Variants in PVT1 observed in about 807,000 individuals in gnomAD.
PVT1 encodes Pvt1 oncogene, also known as CXCR4/PVT1 fusion.
intron 5 of PVT1, among the ~76,000 whole-genome samples, chr8:128,074,309 A>G (rs1295276780): frequency 1.3e-5 from 2 of 152,154 alleles, no homozygotes; most frequent in Admixed American, 1.3e-4. Context: ...GTTCGAGACC[A>G]GCCTGGCCAA....
chr8:127,953,165 A>T (rs1186780856), intron 3 of PVT1, among the ~76,000 whole-genome samples: 1 of 152,182 alleles, frequency 6.6e-6, no homozygotes, highest in African/African-American at 2.4e-5. Context: ...CTCTGAACTG[A>T]TGGTTATGGC....
intron 2 of PVT1, among the ~76,000 whole-genome samples, chr8:127,877,738 A>C (rs1815420980): frequency 6.6e-6 from 1 of 152,178 alleles, no homozygotes; most frequent in South Asian, 2.1e-4. Context: ...AGCCTGGGCA[A>C]CATGATGAAA....
In PVT1 at chr8:127,876,253, A is replaced by AGTGTGT. The variant is rs56039408; in HGVS notation, n.373-14311_373-14306dup. Reference sequence around the variant, plus strand: ...GATTCACACACACGCCCCAAACAGCAGTGTGTGTGTGTGTGTGTGTGTGTG... The same window carrying AGTGTGT: ...GATTCACACACACGCCCCAAACAGCAGTGTGTGTGTGTGTGTGTGTGTGTGTGTGTG... On this transcript the variant is annotated intron_variant and non_coding_transcript_variant, in intron 2 of 10. Transcript: ENST00000651587. 3.0e-3 allele frequency among the ~76,000 whole-genome samples: 445 copies of AGTGTGT among 149,208 alleles called. 6 individuals are homozygous for AGTGTGT. Among genetic ancestry groups the AGTGTGT allele is most frequent in the African/African-American group, 0.01 (410 of 40,666 alleles).
exon 1 of PVT1, chr8:127,794,602 A>T (rs1202952257): frequency 6.6e-6 from 1 of 152,422 alleles, no homozygotes; most frequent in African/African-American, 2.4e-5. Flanking sequence ...GGCGGCCGGG[A>T]CGAGGAGGGG....
At position 127,945,247 on chromosome 8, in the gene PVT1, C is replaced by T. The variant is rs186736794; in HGVS notation, n.783-43915C>T. On this transcript the variant is annotated intron_variant and non_coding_transcript_variant, in intron 3 of 10. Transcript: ENST00000651587. ...TACAAACACTGCTGGGAGGAACATCCGCACATGCTTTCTTGGTCACTTATG... is the reference window on the plus strand; with the variant it reads ...TACAAACACTGCTGGGAGGAACATCTGCACATGCTTTCTTGGTCACTTATG... 3.9e-5 allele frequency among the ~76,000 whole-genome samples: 6 copies of T among 152,212 alleles called. No homozygotes were observed. In the East Asian group the frequency reaches 9.7e-4, roughly 25 times the overall value.
At chr8:127,831,137 CTA>C (rs1244488878) in intron 2 of PVT1, among the ~76,000 whole-genome samples, 283 of 104,776 alleles carry the variant, frequency 2.7e-3, no homozygotes, top group African/African-American at 0.01. Context: ...ATATCTATAT[CTA>C]TCTCTCTCTC....
chr8:127,863,185 C>T lies in PVT1; in HGVS notation n.373-27404C>T, dbSNP rs1469199776. On this transcript the variant is annotated intron_variant and non_coding_transcript_variant, in intron 2 of 10. Transcript: ENST00000651587. ...GGAGTGCAGTGGCATGATCTCGGCTCACTGCAACCTCCGCCTCTTGGGTTC... is the reference window on the plus strand; with the variant it reads ...GGAGTGCAGTGGCATGATCTCGGCTTACTGCAACCTCCGCCTCTTGGGTTC... Among the ~76,000 whole-genome samples, 8 of 152,000 alleles carry T rather than the reference C, an allele frequency of 5.3e-5. No individual in the cohort carries two copies. The East Asian group carries it at 1.5e-3, about 29-fold the overall frequency.
At chr8:127,859,735 G>A (rs1815199124) in intron 2 of PVT1, among the ~76,000 whole-genome samples, 1 of 152,018 alleles carries the variant, frequency 6.6e-6, no homozygotes, top group Admixed American at 6.6e-5. Context: ...GTCACCTGGG[G>A]TTGAATCTCG....
At chr8:127,824,984 G>T (rs1404976184) in intron 2 of PVT1, among the ~76,000 whole-genome samples, 1 of 151,942 alleles carries the variant, frequency 6.6e-6, no homozygotes, top group Non-Finnish European at 1.5e-5. Flanking sequence ...GCTGGGTGTG[G>T]TGATGCATGC....
chr8:127,931,528 C>G (rs1045206321), intron 3 of PVT1, among the ~76,000 whole-genome samples: 5 of 152,262 alleles, frequency 3.3e-5, no homozygotes, highest in Middle Eastern at 3.2e-3. Context: ...GTAACCCTAG[C>G]AGTCCGGTCA....
intron 2 of PVT1, among the ~76,000 whole-genome samples, chr8:127,844,075 C>T (rs1307124591): frequency 5.3e-5 from 8 of 151,712 alleles, no homozygotes; most frequent in South Asian, 2.1e-4. Flanking sequence ...CTCTGCCTCC[C>T]GGGTTCATGC....
At chr8:128,047,900 A>G (rs1384251357) in intron 4 of PVT1, among the ~76,000 whole-genome samples, 4 of 152,232 alleles carry the variant, frequency 2.6e-5, no homozygotes, top group Non-Finnish European at 5.9e-5. Context: ...TTAAAAATTA[A>G]TCTAAAAAAA....
intron 4 of PVT1, among the ~76,000 whole-genome samples, chr8:128,007,448 C>T (rs1048140632): frequency 8.3e-4 from 125 of 150,920 alleles, no homozygotes; most frequent in African/African-American, 2.9e-3. Context: ...AACCTAAATA[C>T]AAACCATGAG....
chr8:127,854,365 C>T (rs1437262238), intron 2 of PVT1, among the ~76,000 whole-genome samples: 1 of 152,176 alleles, frequency 6.6e-6, no homozygotes, highest in Admixed American at 6.5e-5. Flanking sequence ...TGCGCTGGGC[C>T]GCTGAGTCAT....
intron 3 of PVT1, among the ~76,000 whole-genome samples, chr8:127,983,027 G>A (rs1343885412): frequency 5.9e-5 from 9 of 152,192 alleles, no homozygotes; most frequent in Admixed American, 2.6e-4. Flanking sequence ...GTTTGCAGCC[G>A]TATTAAGGGC....
intron 4 of PVT1, among the ~76,000 whole-genome samples, chr8:128,006,155 A>T (rs1184969185): frequency 6.7e-6 from 1 of 149,914 alleles, no homozygotes; most frequent in Non-Finnish European, 1.5e-5. Flanking sequence ...TAATAAAAAG[A>T]TAAGGGAAAT....
chr8:127,822,252 G>A (rs1814739966), intron 2 of PVT1, among the ~76,000 whole-genome samples: 1 of 152,194 alleles, frequency 6.6e-6, no homozygotes, highest in Non-Finnish European at 1.5e-5. Context: ...GACTCAGTCT[G>A]TCTGTGGCAA....
intron 3 of PVT1, among the ~76,000 whole-genome samples, chr8:127,929,523 T>C (rs922794555): frequency 6.6e-6 from 1 of 152,098 alleles, no homozygotes; most frequent in Non-Finnish European, 1.5e-5. Flanking sequence ...ATAAAACACT[T>C]TGGGAGGCCG....
intron 4 of PVT1, among the ~76,000 whole-genome samples, chr8:128,018,990 T>A (rs1341591534): frequency 6.6e-6 from 1 of 152,206 alleles, no homozygotes. Context: ...TGGGGAGGTG[T>A]GTCCAGCTTC....
Sources: allele counts gnomAD v4.1 joint callset (sites outside exome capture counted in the v4.1 genomes callset), GRCh38; gene constraint gnomAD v4.1.1; transcripts MANE v1.5; gene names NCBI Gene and HGNC (gene_info 2026-07-23, HGNC 2026-07-21).